NCOA1: variants seen among roughly 807,000 people sequenced by gnomAD.
NCOA1 encodes nuclear receptor coactivator 1.
NCOA1 carries 35 observed loss-of-function variants against 150.9 expected under a neutral mutation model. The observed-to-expected ratio is 0.23, with a 90% CI of 0.18 to 0.31. NCOA1 has a LOEUF of 0.31. Ranked by LOEUF, NCOA1 falls within the 10% of genes least tolerant of loss-of-function variation. The probability of loss-of-function intolerance (pLI) is 1.00; values close to 1 mark genes in which losing one functional copy is unlikely to be tolerated. For synonymous variants in NCOA1, 590 were observed against 630.0 expected (o/e 0.94, Z 0.95); for missense variants, 1,491 against 1,749.3 (o/e 0.85, Z 2.63).
intron 16 of NCOA1, 118 bp from the exon 17 acceptor site, chr2:24,729,383 A>G: frequency 1.0e-6 from 1 of 979,242 alleles, no homozygotes; most frequent in Non-Finnish European, 1.5e-6. Flanking sequence ...TTAGGTAGTA[A>G]ACTTCTGGAG....
chr2:24,652,340 T>C (rs1670744495), intron 4 of NCOA1, among the ~76,000 whole-genome samples: 1 of 152,034 alleles, frequency 6.6e-6, no homozygotes, highest in Admixed American at 6.6e-5. Context: ...TTGAGAAACA[T>C]TTTTTTGGAA....
chr2:24,610,533 G>GT (rs1371966996), intron 3 of NCOA1, among the ~76,000 whole-genome samples: 1 of 151,692 alleles, frequency 6.6e-6, no homozygotes, highest in Non-Finnish European at 1.5e-5. Context: ...TACTTGTGAT[G>GT]TTTTTCAATT....
chr2:24,742,795 G>A (rs1663678092), intron 19 of NCOA1, among the ~76,000 whole-genome samples: 1 of 152,108 alleles, frequency 6.6e-6, no homozygotes, highest in East Asian at 1.9e-4. Flanking sequence ...ATGGATTTTA[G>A]TACATTAATT....
At chr2:24,494,180 A>G (rs1663098287) in intron 1 of NCOA1, among the ~76,000 whole-genome samples, 1 of 152,162 alleles carries the variant, frequency 6.6e-6, no homozygotes, top group Non-Finnish European at 1.5e-5. Context: ...TGAAAGGTGG[A>G]GTGGTGGAGA....
intron 17 of NCOA1, 29 bp downstream of exon 17, chr2:24,729,844 T>G: frequency 5.4e-6 from 1 of 186,712 alleles, no homozygotes; most frequent in South Asian, 1.2e-4. Flanking sequence ...CAGTTGATAC[T>G]TTTTTTTTTT....
intron 18 of NCOA1, 96 bp from the exon 19 acceptor site, chr2:24,741,688 T>C (rs1309665645): frequency 8.1e-5 from 109 of 1,343,978 alleles, no homozygotes; most frequent in Non-Finnish European, 1.1e-4. Context: ...CTATGTACTT[T>C]ATTGCCCCAA....
At chr2:24,758,832 A>C (rs759629573) in intron 21 of NCOA1, among the ~76,000 whole-genome samples, 10 of 151,510 alleles carry the variant, frequency 6.6e-5, no homozygotes, top group Non-Finnish European at 1.5e-4. Flanking sequence ...AAAAAAACAA[A>C]CAAAAATTAG....
chr2:24,505,342 G>A (rs1333268777), intron 1 of NCOA1, among the ~76,000 whole-genome samples: 1 of 151,946 alleles, frequency 6.6e-6, no homozygotes, highest in Admixed American at 6.6e-5. Context: ...ACCATGCCTG[G>A]TTCATTTTGT....
chr2:24,508,578 A>C (rs1572361474), intron 1 of NCOA1, among the ~76,000 whole-genome samples: 1 of 152,246 alleles, frequency 6.6e-6, no homozygotes, highest in African/African-American at 2.4e-5. Context: ...AATGAATGAA[A>C]TGTCTCAAGT....
chr2:24,558,673 G>A (rs1314385242), intron 1 of NCOA1, among the ~76,000 whole-genome samples: 1 of 152,152 alleles, frequency 6.6e-6, no homozygotes, highest in Non-Finnish European at 1.5e-5. Flanking sequence ...GCGAAACACC[G>A]AAGCATCAGG....
intron 2 of NCOA1, among the ~76,000 whole-genome samples, chr2:24,570,681 C>T (rs1666707679): frequency 6.6e-6 from 1 of 152,168 alleles, no homozygotes; most frequent in Admixed American, 6.5e-5. Context: ...CAGTGCTGCC[C>T]ATGAAGTATT....
intron 4 of NCOA1, among the ~76,000 whole-genome samples, chr2:24,652,808 A>G (rs546571486): frequency 1.3e-5 from 2 of 152,288 alleles, no homozygotes; most frequent in East Asian, 3.9e-4. Context: ...CTTTTTAAAT[A>G]GTGATATGCA....
intron 7 of NCOA1, among the ~76,000 whole-genome samples, chr2:24,679,665 C>A (rs1672076145): frequency 6.6e-6 from 1 of 152,078 alleles, no homozygotes; most frequent in African/African-American, 2.4e-5. Flanking sequence ...GGACATTGAT[C>A]ACCTATTATG....
intron 7 of NCOA1, among the ~76,000 whole-genome samples, chr2:24,679,997 T>A (rs1202471945): frequency 6.6e-6 from 1 of 152,240 alleles, no homozygotes; most frequent in Non-Finnish European, 1.5e-5. Flanking sequence ...TGGAGATGTA[T>A]TACTAAATTT....
chr2:24,594,959 T>C (rs892359803), intron 3 of NCOA1, among the ~76,000 whole-genome samples: 2 of 152,112 alleles, frequency 1.3e-5, no homozygotes, highest in African/African-American at 4.8e-5. Context: ...TTTAAATGGA[T>C]TGTCTCATTG....
At chr2:24,621,335 C>G (rs1669144620) in intron 3 of NCOA1, among the ~76,000 whole-genome samples, 1 of 145,820 alleles carries the variant, frequency 6.9e-6, no homozygotes, top group Admixed American at 7.0e-5. Flanking sequence ...TTTTTGTTTT[C>G]CGTTTGAATA....
chr2:24,745,157 CTTTT>C (rs201221705), intron 19 of NCOA1, among the ~76,000 whole-genome samples: 1 of 131,686 alleles, frequency 7.6e-6, no homozygotes, highest in Non-Finnish European at 1.6e-5. Context: ...TTTCTTTTTT[CTTTT>C]TTTTTTTTTT....
At chr2:24,664,017 C>T (rs1026472152) in intron 5 of NCOA1, among the ~76,000 whole-genome samples, 5 of 152,226 alleles carry the variant, frequency 3.3e-5, no homozygotes, top group Non-Finnish European at 5.9e-5. Context: ...TAGACTGAAT[C>T]TACTACATAT....
At chr2:24,617,530 G>A (rs772006412) in intron 3 of NCOA1, among the ~76,000 whole-genome samples, 3 of 152,074 alleles carry the variant, frequency 2.0e-5, no homozygotes, top group Non-Finnish European at 4.4e-5. Flanking sequence ...TAATGTGTTA[G>A]TGATTCCAGA....
Sources: allele counts gnomAD v4.1 joint callset (sites outside exome capture counted in the v4.1 genomes callset), GRCh38; gene constraint gnomAD v4.1.1; transcripts MANE v1.5; gene names NCBI Gene and HGNC (gene_info 2026-07-23, HGNC 2026-07-21).